LARGE1: variants seen among roughly 807,000 people sequenced by gnomAD.
The protein encoded by LARGE1 is xylosyl- and glucuronyltransferase LARGE1.
In LARGE1, 43 loss-of-function variants were observed where a neutral mutation model predicts 87.6. The ratio of observed to expected loss-of-function variants is 0.49; its 90% CI spans 0.38 to 0.63. The LOEUF (loss-of-function observed/expected upper bound fraction) is 0.63, where lower values mean the gene tolerates loss of function less well. Among genes scored for constraint, LARGE1 ranks in the 30% least tolerant of loss-of-function variants. The probability of loss-of-function intolerance (pLI) is 0.00; values close to 1 mark genes in which losing one functional copy is unlikely to be tolerated. For synonymous variants in LARGE1, 434 were observed against 394.6 expected (o/e 1.10, Z -1.18); for missense variants, 802 against 1,000.2 (o/e 0.80, Z 2.67).
chr22:33,778,313 C>T lies in LARGE1; in HGVS notation c.-82-16755G>A, dbSNP rs117652422. On this transcript the variant is annotated intron_variant, in intron 1 of 14. Transcript: ENST00000397394. ...CCACATAAATATCCTTGTAGTGAGACGGGCTTTTTCTTTTTATTGCAGCAA... is the reference window on the plus strand; with the variant it reads ...CCACATAAATATCCTTGTAGTGAGATGGGCTTTTTCTTTTTATTGCAGCAA... Among the ~76,000 whole-genome samples the T allele has an allele frequency of 1.1e-3, 164 of 152,250 alleles. 1 individual carries two copies. In the East Asian group the frequency reaches 0.025, roughly 23 times the overall value.
At chr22:33,655,946 T>C (rs569428932) in intron 2 of LARGE1, among the ~76,000 whole-genome samples, 50 of 152,272 alleles carry the variant, frequency 3.3e-4, no homozygotes, top group African/African-American at 1.2e-3. Flanking sequence ...AAGAAAGAGC[T>C]GAGCTTAAAT....
intron 7 of LARGE1, among the ~76,000 whole-genome samples, chr22:33,390,397 G>A (rs1215806651): frequency 2.0e-5 from 3 of 152,162 alleles, no homozygotes; most frequent in Admixed American, 2.0e-4. Flanking sequence ...TGATGTTTCC[G>A]ATGTCACAGT....
intron 1 of LARGE1, among the ~76,000 whole-genome samples, chr22:33,817,878 T>A (rs1472294974): frequency 6.7e-6 from 1 of 150,080 alleles, no homozygotes; most frequent in African/African-American, 2.5e-5. Context: ...CATTATCCAC[T>A]CATGATAGAT....
chr22:33,714,511 G>C (rs566716282), intron 2 of LARGE1, among the ~76,000 whole-genome samples: 1 of 152,290 alleles, frequency 6.6e-6, no homozygotes, highest in South Asian at 2.1e-4. Context: ...TGGGGACAAT[G>C]ACAAATAATA....
chr22:33,272,332 C>T (rs1254395172), downstream of LARGE1, among the ~76,000 whole-genome samples: 2 of 152,096 alleles, frequency 1.3e-5, no homozygotes, highest in Non-Finnish European at 2.9e-5. Flanking sequence ...CTTGTGTGTA[C>T]ACAGGGGAGA....
At chr22:33,555,757 C>T (rs1337309757) in intron 6 of LARGE1, among the ~76,000 whole-genome samples, 1 of 151,782 alleles carries the variant, frequency 6.6e-6, no homozygotes, top group Non-Finnish European at 1.5e-5. Flanking sequence ...GGTGAAACCC[C>T]ATCTCTACTA....
intron 9 of LARGE1, among the ~76,000 whole-genome samples, chr22:33,371,175 A>C (rs1057401727): frequency 6.6e-6 from 1 of 151,596 alleles, no homozygotes; most frequent in Admixed American, 6.6e-5. Flanking sequence ...CAAAAAAAAA[A>C]CTCCTAAGAA....
At chr22:33,100,673 T>A in the LARGE1 span, among the ~76,000 whole-genome samples, 4 of 152,186 alleles carry the variant, frequency 2.6e-5, no homozygotes, top group Non-Finnish European at 5.9e-5. Context: ...TGCAGAATGA[T>A]TCATTAGGTG....
chr22:33,071,187 A>G, the LARGE1 span, among the ~76,000 whole-genome samples: 6 of 152,166 alleles, frequency 3.9e-5, no homozygotes, highest in Non-Finnish European at 7.4e-5. Context: ...GAGTCTTCCA[A>G]AGGTTTTTGA....
At chr22:33,070,415 G>T in the LARGE1 span, among the ~76,000 whole-genome samples, 2 of 152,204 alleles carry the variant, frequency 1.3e-5, no homozygotes, top group African/African-American at 2.4e-5. Context: ...CTCACAGCTT[G>T]TGGGGTGGGT....
intron 14 of LARGE1, among the ~76,000 whole-genome samples, chr22:33,276,234 G>C (rs1394709563): frequency 1.3e-5 from 2 of 150,856 alleles, no homozygotes; most frequent in Non-Finnish European, 3.0e-5. Flanking sequence ...AAAAAAAAAA[G>C]GCTGGAGGGA....
the LARGE1 span, among the ~76,000 whole-genome samples, chr22:33,080,250 T>C: frequency 6.6e-6 from 1 of 152,208 alleles, no homozygotes; most frequent in Non-Finnish European, 1.5e-5. Context: ...CATCACCTCA[T>C]TTAATTCTTA....
downstream of LARGE1, among the ~76,000 whole-genome samples, chr22:33,158,635 T>C (rs1255211501): frequency 6.6e-6 from 1 of 152,210 alleles, no homozygotes; most frequent in Non-Finnish European, 1.5e-5. Flanking sequence ...ATGGGAATTG[T>C]AGGTAACTGT....
intron 5 of LARGE1, among the ~76,000 whole-genome samples, chr22:33,602,286 T>C (rs752996608): frequency 2.5e-4 from 38 of 152,196 alleles, no homozygotes; most frequent in Non-Finnish European, 5.1e-4. Flanking sequence ...TATTTTCTTT[T>C]TCTTTTTTCC....
chr22:33,291,921 C>T (rs77537545), intron 12 of LARGE1, among the ~76,000 whole-genome samples: 2 of 151,910 alleles, frequency 1.3e-5, no homozygotes, highest in South Asian at 2.1e-4. Context: ...AGTGAAACCC[C>T]GTCTCTATTA....
rs73170542 is a variant in LARGE1 at position 33,719,497 on chromosome 22, A to T, written c.106+41874T>A. 6.8e-3 allele frequency among the ~76,000 whole-genome samples: 988 copies of T among 145,184 alleles called. 12 individuals carry two copies. The highest frequency in any genetic ancestry group is 0.022 in the African/African-American group (847 of 39,150). ...CCTATACAGGTATGCCATCTATACC[A>T]TATTTATTTATTTATTTATTTATTT... On this transcript the variant is annotated intron_variant, in intron 2 of 14. Transcript: ENST00000397394.
intron 9 of LARGE1, among the ~76,000 whole-genome samples, chr22:33,343,389 G>A (rs1462327679): frequency 2.0e-5 from 3 of 152,094 alleles, no homozygotes; most frequent in Non-Finnish European, 4.4e-5. Flanking sequence ...CAAACGGCTA[G>A]GATTACAGCA....
intron 2 of LARGE1, among the ~76,000 whole-genome samples, chr22:33,683,376 T>G (rs2081841162): frequency 6.6e-6 from 1 of 152,322 alleles, no homozygotes; most frequent in Non-Finnish European, 1.5e-5. Context: ...TAGCTGTGGG[T>G]TTTGAGTCTG....
chr22:33,512,882 T>C (rs2071121305), intron 6 of LARGE1, among the ~76,000 whole-genome samples: 1 of 152,222 alleles, frequency 6.6e-6, no homozygotes, highest in South Asian at 2.1e-4. Flanking sequence ...TAATTTTCTC[T>C]TGTCTTCAAC....
Sources: allele counts gnomAD v4.1 joint callset (sites outside exome capture counted in the v4.1 genomes callset), GRCh38; gene constraint gnomAD v4.1.1; transcripts MANE v1.5; gene names NCBI Gene and HGNC (gene_info 2026-07-23, HGNC 2026-07-21).